The following BRD4 variants were observed in gnomAD, a reference collection of about 807,000 sequenced individuals.
BRD4 encodes the protein bromodomain containing 4, also known as bromodomain-containing protein 4.
In BRD4, 16 loss-of-function variants were observed where a neutral mutation model predicts 142.1. That is an observed-to-expected ratio of 0.11 (90% CI 0.08 to 0.17). The LOEUF (loss-of-function observed/expected upper bound fraction) is 0.17. BRD4 is among the 10% of genes least tolerant of loss of function. The pLI is 1.00. For synonymous variants in BRD4, 833 were observed against 707.5 expected, an observed-to-expected ratio of 1.18 and a Z score of -2.82; for missense variants, 1,424 against 1,810.9, an observed-to-expected ratio of 0.79 and a Z score of 3.88.
At chr19:15,248,535 T>C (rs1167217804) in intron 11 of BRD4, 1 of 222,944 alleles carries the variant, frequency 4.5e-6, no homozygotes, top group African/African-American at 2.2e-5. Flanking sequence ...ACTTTCCCTA[T>C]GTGACTTGAG....
Position 15,254,236 on chromosome 19 carries a change from A to G in BRD4, c.2074T>C (p.Ser692Pro), listed in dbSNP as rs2145566091. 1 of 1,614,178 alleles carries G rather than the reference A, an allele frequency of 6.2e-7. No individual in the cohort carries two copies. Among genetic ancestry groups the G allele is most frequent in the Non-Finnish European group, 8.5e-7 (1 of 1,180,028 alleles). ...QAEKVDVIAG[S>P]SKMKGFSSSE... ...GACGAGAAGCCCTTCATCTTGGAGG[A>G]GCCGGCAATCACATCAACTTTCTCA... Residue 692 changes from serine (S) to proline (P), a missense_variant, in exon 11 of 20, where the codon TCC becomes CCC. Coordinates refer to ENST00000679869, the MANE Select transcript of BRD4 (RefSeq NM_001379291.1).
chr19:15,302,623 C>T (rs564839748), intron 1 of BRD4, among the ~76,000 whole-genome samples: 3 of 119,108 alleles, frequency 2.5e-5, no homozygotes, highest in African/African-American at 6.7e-5. Context: ...GAGCTGAGAT[C>T]GTGCCACTGC....
intron 1 of BRD4, among the ~76,000 whole-genome samples, chr19:15,317,159 G>A (rs530501146): frequency 9.2e-5 from 14 of 152,316 alleles, no homozygotes; most frequent in Admixed American, 9.2e-4. Flanking sequence ...CTGCAACCCT[G>A]CCCAAGTGAC....
intron 6 of BRD4, 57 bp from the exon 7 acceptor site, chr19:15,263,605 T>C: frequency 6.2e-7 from 1 of 1,601,954 alleles, no homozygotes. Context: ...CATGGAGAAG[T>C]GGCTGGCAGC....
chr19:15,236,371 G>C lies in BRD4; in HGVS notation c.*2006C>G, dbSNP rs1372794610. The C allele has an allele frequency of 6.6e-6, 1 of 152,234 alleles. No homozygotes were observed. The highest frequency in any genetic ancestry group is 1.5e-5 in the Non-Finnish European group (1 of 68,100). 9.4% of individuals were successfully genotyped at this position (152,234 alleles called of 1,614,324 possible). ...AGGAATGTGTGTGTATGTGCATGGG[G>C]GGTGAGGATCCTATTTTGGGGGATG... On this transcript the variant is annotated 3_prime_UTR_variant, in exon 20 of 20. Coordinates refer to ENST00000679869, the MANE Select transcript of BRD4 (RefSeq NM_001379291.1).
intron 7 of BRD4, among the ~76,000 whole-genome samples, 160 bp downstream of exon 7, chr19:15,263,260 T>C (rs1047018225): frequency 6.6e-6 from 1 of 152,154 alleles, no homozygotes; most frequent in African/African-American, 2.4e-5. Context: ...CAACTTAAAA[T>C]GTATGCACTA....
At chr19:15,331,012 G>T (rs557712811) in intron 1 of BRD4, among the ~76,000 whole-genome samples, 148 of 152,236 alleles carry the variant, frequency 9.7e-4, no homozygotes, top group African/African-American at 3.4e-3. Context: ...GAGCCCTGTC[G>T]AAGGTAAGCA....
chr19:15,240,781 G>A (rs2047232322), intron 14 of BRD4, among the ~76,000 whole-genome samples: 1 of 152,196 alleles, frequency 6.6e-6, no homozygotes, highest in Non-Finnish European at 1.5e-5. Flanking sequence ...CATCCAACAT[G>A]TGGCCTCTCT....
At chr19:15,252,557 G>A (rs1275406483) in intron 11 of BRD4, among the ~76,000 whole-genome samples, 1 of 152,244 alleles carries the variant, frequency 6.6e-6, no homozygotes, top group African/African-American at 2.4e-5. Flanking sequence ...TGCTGCGAGT[G>A]GGGGCCCTAG....
rs532603136 is a variant in BRD4 at position 15,271,372 on chromosome 19, C to T, written c.285+1443G>A. 7.9e-5 allele frequency among the ~76,000 whole-genome samples: 12 copies of T among 152,306 alleles called. No homozygotes were observed. In the East Asian group the frequency reaches 2.1e-3, roughly 27 times the overall value. On this transcript the variant is annotated intron_variant, in intron 2 of 19. Transcript: ENST00000679869. ...GGTTTCTACTTCTGTGTCACGTCTT[C>T]CTAAGGTCACCAATGCCCTCCTAAA...
intron 8 of BRD4, 93 bp downstream of exon 8, chr19:15,256,871 C>T (rs1049742917): frequency 8.3e-7 from 1 of 1,209,358 alleles, no homozygotes; most frequent in Non-Finnish European, 1.1e-6. Context: ...CCCTTGGGAA[C>T]TCAGAACCAA....
intron 1 of BRD4, among the ~76,000 whole-genome samples, chr19:15,274,187 G>A (rs775405951): frequency 1.3e-5 from 2 of 152,200 alleles, no homozygotes; most frequent in African/African-American, 2.4e-5. Context: ...TCTTGGTCCA[G>A]ACACAGATAG....
rs748857944 is a variant in BRD4 at position 15,255,346 on chromosome 19, C to A, written c.1998G>T (p.Glu666Asp). Residue 666 changes from glutamate to aspartate, a missense_variant, in exon 10 of 20, where the codon GAG (glutamate) becomes GAT (aspartate). Transcript: ENST00000679869. ...AACAGGAGGTGACATAGCGCTCCAG[C>A]TCACGCAGTGTGGACGGCTTCAGGG... Reference protein sequence around the residue: ...FETLKPSTLRELERYVTSCLR... With the variant: ...FETLKPSTLRDLERYVTSCLR... 6.2e-7 allele frequency: 1 copy of A among 1,614,134 alleles called. No homozygotes were observed. The highest frequency in any genetic ancestry group is 8.5e-7 in the Non-Finnish European group (1 of 1,180,034).
chr19:15,245,962 C>T (rs1170676753), intron 11 of BRD4, among the ~76,000 whole-genome samples: 1 of 152,194 alleles, frequency 6.6e-6, no homozygotes, highest in Non-Finnish European at 1.5e-5. Context: ...GCACGTGGCC[C>T]TCAGTGCAGC....
At chr19:15,312,044 TTGCATTTTA>T (rs2047976142) in intron 1 of BRD4, among the ~76,000 whole-genome samples, 1 of 152,236 alleles carries the variant, frequency 6.6e-6, no homozygotes, top group African/African-American at 2.4e-5. Context: ...GGTTAGGATG[TTGCATTTTA>T]TGTTTTGAAA....
chr19:15,308,110 C>T lies in BRD4; in HGVS notation c.-35+24180G>A, dbSNP rs866717269. Among the ~76,000 whole-genome samples, 74 of 77,440 alleles carry T rather than the reference C, an allele frequency of 9.6e-4. 1 individual carries two copies. Among genetic ancestry groups the T allele is most frequent in the African/African-American group, 4.2e-3 (62 of 14,736 alleles). The allele number at this position is 77,440 out of a possible 152,430, so 50.8% of individuals were successfully genotyped here. Reference sequence around the variant, plus strand: ...CTGCACAAAAGAGTGAGTGAGACTCCGTCTCAAAAAAAAAAAAAAAAAAAA... The same window carrying T: ...CTGCACAAAAGAGTGAGTGAGACTCTGTCTCAAAAAAAAAAAAAAAAAAAA... On this transcript the variant is annotated intron_variant, in intron 1 of 19. Coordinates refer to ENST00000679869, the MANE Select transcript of BRD4 (RefSeq NM_001379291.1).
At chr19:15,314,565 G>T (rs780552972) in intron 1 of BRD4, among the ~76,000 whole-genome samples, 1 of 152,104 alleles carries the variant, frequency 6.6e-6, no homozygotes, top group Non-Finnish European at 1.5e-5. Flanking sequence ...CCCAAGTCTG[G>T]TCTAGATCCA....
chr19:15,244,914 C>T (rs2047272389), intron 11 of BRD4, 152 bp from the exon 12 acceptor site: 1 of 1,362,586 alleles, frequency 7.3e-7, no homozygotes, highest in South Asian at 1.4e-5. Context: ...ATGAGTTGGT[C>T]ATCACGGGAG....
chr19:15,267,897 G>A (rs1040580240), intron 3 of BRD4, among the ~76,000 whole-genome samples: 6 of 152,192 alleles, frequency 3.9e-5, no homozygotes, highest in African/African-American at 1.4e-4. Context: ...CCAGAAATAC[G>A]TGAATGACAC....
Sources: allele counts gnomAD v4.1 joint callset (sites outside exome capture counted in the v4.1 genomes callset), GRCh38; gene constraint gnomAD v4.1.1; transcripts MANE v1.5; gene names NCBI Gene and HGNC (gene_info 2026-07-23, HGNC 2026-07-21).